DPH1: variants seen among roughly 807,000 people sequenced by gnomAD.
The protein encoded by DPH1 is diphthamide biosynthesis 1, also known as 2-(3-amino-3-carboxypropyl)histidine synthase subunit 1.
Under a neutral mutation model 55.3 loss-of-function variants are expected in DPH1, and 59 were observed. The ratio of observed to expected loss-of-function variants is 1.07; its 90% confidence interval spans 0.87 to 1.33. The LOEUF is 1.33. Ranked by LOEUF, DPH1 falls within the 40% of genes most tolerant of loss-of-function variation. DPH1 has a pLI of 0.00. For synonymous variants in DPH1, 238 were observed against 235.5 expected, an observed-to-expected ratio of 1.01 and a Z score of -0.10; for missense variants, 628 against 584.8, an observed-to-expected ratio of 1.07 and a Z score of -0.76.
intron 12 of DPH1, 198 bp downstream of exon 12, chr17:2,042,073 T>C (rs748079428): frequency 6.4e-7 from 1 of 1,560,270 alleles, no homozygotes; most frequent in Non-Finnish European, 8.6e-7. Flanking sequence ...CCCCTGCGGG[T>C]CCTGTGCCTG....
intron 1 of DPH1, among the ~76,000 whole-genome samples, chr17:2,031,021 G>A (rs1305399924): frequency 1.3e-5 from 2 of 152,196 alleles, no homozygotes; most frequent in Non-Finnish European, 2.9e-5. Context: ...CAGAAGTTGT[G>A]GCACATAGCA....
In DPH1 at chr17:2,043,172, C is replaced by T; in HGVS notation, c.*586C>T. ...GGGCAGCCTCCGTCATCCATGCCCT[C>T]CCAGGACCCTCCACTCACTGCTGTG... On this transcript the variant is annotated 3_prime_UTR_variant, in exon 13 of 13. Transcript: ENST00000263083. 6.5e-7 allele frequency: 1 copy of T among 1,534,766 alleles called. No individual in the cohort carries two copies. The highest frequency in any genetic ancestry group is 1.8e-5 in the Admixed American group (1 of 56,402).
At chr17:2,035,174 C>G (rs551781579) in intron 3 of DPH1, among the ~76,000 whole-genome samples, 2 of 152,074 alleles carry the variant, frequency 1.3e-5, no homozygotes, top group East Asian at 3.9e-4. Flanking sequence ...AAGTGTGAGT[C>G]TCTTTCAAGG....
Position 2,036,028 on chromosome 17 carries a change from G to T in DPH1, c.337G>T (p.Asp113Tyr), listed in dbSNP as rs750406894. The change falls in exon 4 of 13, where the codon GAT (aspartate) becomes TAT (tyrosine). Residue 113 changes from aspartate to tyrosine, a missense_variant. Transcript: ENST00000263083. This position sits in a 1 kb window ranked among gnomAD's most constrained non-coding sequence, Gnocchi z 4.8. ...GDVTYGACCVDDFTARALGAD... is the reference protein window; with the variant it reads ...GDVTYGACCVYDFTARALGAD... ...CGTGACCTACGGGGCTTGCTGTGTG[G>T]ATGACTTCACAGCGAGGGCCCTGGG... The T allele has an allele frequency of 3.7e-6, 6 of 1,614,046 alleles. No individual in the cohort carries two copies. The highest frequency in any genetic ancestry group is 5.1e-6 in the Non-Finnish European group (6 of 1,179,946).
rs754312450 is a variant in DPH1 at position 2,042,990 on chromosome 17, GGCCA to G, written c.*409_*412del. 52 of 1,613,970 alleles carry G rather than the reference GGCCA, an allele frequency of 3.2e-5. No homozygotes were observed. The highest frequency in any genetic ancestry group is 6.7e-5 in the Admixed American group (4 of 60,004). On this transcript the variant is annotated 3_prime_UTR_variant, in exon 13 of 13. Transcript: ENST00000263083. ...TCCCCTCTCAGGAGAGTGTGCAACT[GGCCA>G]GCCAATTTCCCGGAGCCATCACCCT...
rs2067509973 is a variant in DPH1 at position 2,040,963 on chromosome 17, C to G, written c.1008-140C>G. On this transcript the variant is annotated intron_variant, in intron 9 of 12. Transcript: ENST00000263083. ...CGCAACAATACAGTATTCCAAACAGCAGTGGGTCACTGTCTTTACTTTAGG... is the reference window on the plus strand; with the variant it reads ...CGCAACAATACAGTATTCCAAACAGGAGTGGGTCACTGTCTTTACTTTAGG... 15 of 817,996 alleles carry G rather than the reference C, an allele frequency of 1.8e-5. No individual in the cohort carries two copies. The East Asian group carries it at 4.0e-4, about 22-fold the overall frequency. 50.7% of individuals were successfully genotyped at this position (817,996 alleles called of 1,614,324 possible).
chr17:2,037,902 TGTAAAACAG>T (rs2067450348), intron 6 of DPH1, among the ~76,000 whole-genome samples: 1 of 152,322 alleles, frequency 6.6e-6, no homozygotes, highest in South Asian at 2.1e-4. Context: ...TGTTACCTTC[TGTAAAACAG>T]GTATACTATA....
chr17:2,041,832 A>T lies in DPH1; in HGVS notation c.1292A>T (p.Glu431Val). The stretch of plus-strand genomic sequence containing the variant: ...TGCGAGGACTGCAGCTGCAGGGACG[A>T]GAAGGTGGCGCCGCTGGCTCCTTGA... ...VACEDCSCRDEKVAPLAP is the reference protein window; with the variant it reads ...VACEDCSCRDVKVAPLAP Residue 431 changes from glutamate (E) to valine (V), a missense_variant, in exon 12 of 13, where the codon GAG becomes GTG. Physicochemically the swap from Glu to Val is moderately radical, Grantham distance 121 (BLOSUM62 -2). Coordinates refer to ENST00000263083, the MANE Select transcript of DPH1 (RefSeq NM_001383.6). 1.9e-6 allele frequency: 3 copies of T among 1,603,838 alleles called. No homozygotes were observed. Among genetic ancestry groups the T allele is most frequent in the Non-Finnish European group, 2.5e-6 (3 of 1,176,550 alleles).
chr17:2,030,279 GC>G, intron 1 of DPH1, 49 bp downstream of exon 1: 1 of 1,533,478 alleles, frequency 6.5e-7, no homozygotes, highest in Non-Finnish European at 8.8e-7. Context: ...TCGGGGCGGG[GC>G]CCCCAAGTTA....
Position 2,036,520 on chromosome 17 carries a change from C to G in DPH1, c.401-9C>G. ...TCCCAAACAGCCCCTGAACTCCTCC[C>G]TCCCACAGTTCCCATGGACACCTCG... On this transcript the variant is annotated splice_polypyrimidine_tract_variant and intron_variant, in intron 4 of 12. Coordinates refer to ENST00000263083, the MANE Select transcript of DPH1 (RefSeq NM_001383.6). This position sits in a 1 kb window ranked among gnomAD's most constrained non-coding sequence, Gnocchi z 4.8. The G allele has an allele frequency of 6.2e-7, 1 of 1,613,808 alleles. No individual in the cohort carries two copies. Among genetic ancestry groups the G allele is most frequent in the Non-Finnish European group, 8.5e-7 (1 of 1,179,818 alleles).
At position 2,042,682 on chromosome 17, in the gene DPH1, G is replaced by T. The variant is rs747493455; in HGVS notation, c.*96G>T. 2.6e-6 allele frequency: 4 copies of T among 1,527,802 alleles called. No homozygotes were observed. The highest frequency in any genetic ancestry group is 3.5e-6 in the Non-Finnish European group (4 of 1,141,164). The allele number at this position is 1,527,802 out of a possible 1,614,324, so 94.6% of individuals were successfully genotyped here. A position where few individuals can be genotyped will look rare whatever the true frequency, so the allele number is the denominator to read the frequency against. On this transcript the variant is annotated 3_prime_UTR_variant, in exon 13 of 13. Coordinates refer to ENST00000263083, the MANE Select transcript of DPH1 (RefSeq NM_001383.6). ...GGCCGACGTTTTCTCCGCATTGGAA[G>T]AGCCCGCCGTCTGCAGGGGCCTGGA...
In DPH1 at chr17:2,041,874, A is replaced by G. The variant is rs770506711; in HGVS notation, c.*17A>G. 2 of 1,577,164 alleles carry G rather than the reference A, an allele frequency of 1.3e-6. No individual in the cohort carries two copies. Among genetic ancestry groups the G allele is most frequent in the Non-Finnish European group, 1.7e-6 (2 of 1,165,226 alleles). On this transcript the variant is annotated splice_region_variant and 3_prime_UTR_variant, in exon 12 of 13. Coordinates refer to ENST00000263083, the MANE Select transcript of DPH1 (RefSeq NM_001383.6). ...GCTCCTTGACGCGCTCCCGGGCCTC[A>G]GGTATCAGCCCCCGCTCTGGGTGCG... is the stretch of plus-strand genomic sequence containing the variant.
At chr17:2,041,643 G>A (rs768429055) in intron 11 of DPH1, 22 bp downstream of exon 11, 9 of 1,597,924 alleles carry the variant, frequency 5.6e-6, no homozygotes, top group African/African-American at 5.4e-5. Context: ...CTTCCAGGAG[G>A]GAGGAGAGAC....
rs1804586 is a variant in DPH1 at position 2,042,937 on chromosome 17, C to T, written c.*351C>T. 1.2e-6 allele frequency: 2 copies of T among 1,614,144 alleles called. No homozygotes were observed. The highest frequency in any genetic ancestry group is 8.5e-7 in the Non-Finnish European group (1 of 1,180,026). On this transcript the variant is annotated 3_prime_UTR_variant, in exon 13 of 13. Coordinates refer to ENST00000263083, the MANE Select transcript of DPH1 (RefSeq NM_001383.6). ...AAGGCCCTTGTCATTGCCTTCGCTC[C>T]ATGTTTTTGGGGACACTGACAAAGT...
intron 9 of DPH1, 82 bp downstream of exon 9, chr17:2,040,687 C>A: frequency 6.8e-7 from 1 of 1,472,302 alleles, no homozygotes; most frequent in Non-Finnish European, 9.5e-7. Context: ...CTGGAGCCAA[C>A]AGGAATTGCT....
chr17:2,040,899 T>G, intron 9 of DPH1: 1 of 658,596 alleles, frequency 1.5e-6, no homozygotes, highest in Middle Eastern at 4.2e-4. Context: ...TGAGCTGCCC[T>G]GGAAAGCTCA....
intron 9 of DPH1, 22 bp downstream of exon 9, chr17:2,040,627 A>G (rs1282856415): frequency 6.2e-7 from 1 of 1,609,556 alleles, no homozygotes; most frequent in Admixed American, 1.7e-5. Flanking sequence ...CCTGGCTATG[A>G]CTGGCTAAAG....
chr17:2,042,759 C>G lies in DPH1; in HGVS notation c.*173C>G. 1 of 1,605,714 alleles carries G rather than the reference C, an allele frequency of 6.2e-7. No homozygotes were observed. On this transcript the variant is annotated 3_prime_UTR_variant, in exon 13 of 13. Transcript: ENST00000263083. Reference sequence around the variant, plus strand: ...CACTGAACAGGCTGGGGCCTTTTGACGGCCTTCTTGGTTTCAGCCAAGGGG... The same window carrying G: ...CACTGAACAGGCTGGGGCCTTTTGAGGGCCTTCTTGGTTTCAGCCAAGGGG...
Position 2,042,958 on chromosome 17 carries a change from A to G in DPH1, c.*372A>G, listed in dbSNP as rs1225361068. 6.2e-7 allele frequency: 1 copy of G among 1,614,114 alleles called. No individual in the cohort carries two copies. Among genetic ancestry groups the G allele is most frequent in the Non-Finnish European group, 8.5e-7 (1 of 1,180,034 alleles). On this transcript the variant is annotated 3_prime_UTR_variant, in exon 13 of 13. Transcript: ENST00000263083. ...GCTCCATGTTTTTGGGGACACTGAC[A>G]AAGTCATCCCCTCTCAGGAGAGTGT...
Sources: gnomAD v4.1 joint callset for allele counts (sites outside exome capture counted in the v4.1 genomes callset) on GRCh38, gnomAD v4.1.1 for gene constraint, Gnocchi (gnomAD v3.1) non-coding constraint, MANE v1.5 for transcripts, NCBI Gene and HGNC (gene_info 2026-07-23, HGNC 2026-07-21) for gene names.